The following ZNF777 variants were observed in gnomAD, a reference collection of about 807,000 sequenced individuals.
ZNF777 encodes zinc finger protein 777.
Under a neutral mutation model 72.1 loss-of-function variants are expected in ZNF777, and 7 were observed. The ratio of observed to expected loss-of-function variants is 0.10; its 90% CI spans 0.06 to 0.18. ZNF777 has a LOEUF of 0.18. Ranked by LOEUF, ZNF777 falls within the 10% of genes least tolerant of loss-of-function variation. The probability of loss-of-function intolerance (pLI) is 1.00; values close to 1 mark genes in which losing one functional copy is unlikely to be tolerated. For synonymous variants in ZNF777, 545 were observed against 483.5 expected (o/e 1.13, Z -1.67); for missense variants, 828 against 1,128.6 (o/e 0.73, Z 3.82).
chr7:149,437,808 T>TC (rs201709519), intron 4 of ZNF777, among the ~76,000 whole-genome samples: 5,260 of 149,006 alleles, frequency 0.035, 246 homozygotes, highest in African/African-American at 0.094. Flanking sequence ...TCTTTTTCTT[T>TC]TTTTTTTTTT....
At chr7:149,451,203 G>A in intron 3 of ZNF777, 91 bp from the exon 4 acceptor site, 2 of 1,148,266 alleles carry the variant, frequency 1.7e-6, no homozygotes, top group South Asian at 1.3e-5. Context: ...GATTCCAGGA[G>A]CAGCTCCTCG....
intron 4 of ZNF777, among the ~76,000 whole-genome samples, chr7:149,448,269 C>G (rs1799639876): frequency 6.6e-6 from 1 of 151,598 alleles, no homozygotes; most frequent in Admixed American, 6.6e-5. Flanking sequence ...AGTTCATGAG[C>G]AGCCTGACCA....
At chr7:149,454,303 T>C in intron 2 of ZNF777, 66 bp from the exon 3 acceptor site, 1 of 1,601,232 alleles carries the variant, frequency 6.2e-7, no homozygotes, top group Non-Finnish European at 8.5e-7. Flanking sequence ...GGCTGGCCAA[T>C]CCCAAGGCCC....
At position 149,432,479 on chromosome 7, in the gene ZNF777, A is replaced by C; in HGVS notation, c.1793T>G (p.Val598Gly). Residue 598 changes from valine to glycine, a missense_variant, in exon 6 of 6, where the codon GTG (valine) becomes GGG (glycine). Coordinates refer to ENST00000247930, the MANE Select transcript of ZNF777 (RefSeq NM_015694.3). ...TTCGGGTGAGACGCAGCCTCCGCGC[A>C]CGCGGTGGATGCGCTGGTGCAGCGT... ...QLTLHQRIHRVRGGCVSPERG... is the reference protein window; with the variant it reads ...QLTLHQRIHRGRGGCVSPERG... 1 of 1,613,704 alleles carries C rather than the reference A, an allele frequency of 6.2e-7. No individual in the cohort carries two copies. Among genetic ancestry groups the C allele is most frequent in the African/African-American group, 1.3e-5 (1 of 75,026 alleles).
chr7:149,432,468 A>G lies in ZNF777; in HGVS notation c.1804T>C (p.Cys602Arg). Residue 602 changes from cysteine to arginine, a missense_variant, in exon 6 of 6, where the codon TGC becomes CGC. Around this residue, in one of 12 missense-constraint regions of ZNF777, gnomAD observed 100 missense variants for 106.2 expected, o/e 0.94. Coordinates refer to ENST00000247930, the MANE Select transcript of ZNF777 (RefSeq NM_015694.3). Reference protein sequence around the residue: ...HQRIHRVRGGCVSPERGPTFN... With the variant: ...HQRIHRVRGGRVSPERGPTFN... Reference sequence around the variant, plus strand: ...GTGGGCCCGCGTTCGGGTGAGACGCAGCCTCCGCGCACGCGGTGGATGCGC... The same window carrying G: ...GTGGGCCCGCGTTCGGGTGAGACGCGGCCTCCGCGCACGCGGTGGATGCGC... 1.9e-6 allele frequency: 3 copies of G among 1,613,686 alleles called. No individual in the cohort carries two copies. The highest frequency in any genetic ancestry group is 2.5e-6 in the Non-Finnish European group (3 of 1,179,878).
In ZNF777 at chr7:149,451,129, GA is replaced by G. The variant is rs771564855; in HGVS notation, c.974-18del. The G allele has an allele frequency of 4.4e-6, 7 of 1,605,720 alleles. No individual in the cohort carries two copies. Among genetic ancestry groups the G allele is most frequent in the Non-Finnish European group, 4.3e-6 (5 of 1,174,246 alleles). On this transcript the variant is annotated intron_variant, in intron 3 of 5. Coordinates refer to ENST00000247930, the MANE Select transcript of ZNF777 (RefSeq NM_015694.3). The stretch of plus-strand genomic sequence containing the variant: ...TTGCATAGTCTAGGCAGAAGAAAGG[GA>G]AAAAAATATGCTCTGGGATGAGGTT...
chr7:149,459,650 A>G, intron 1 of ZNF777: 1 of 985,118 alleles, frequency 1.0e-6, no homozygotes, highest in Non-Finnish European at 1.2e-6. Context: ...CGTGCCACGG[A>G]TGCCTTGCTA....
At chr7:149,456,665 G>A (rs918002031) in intron 1 of ZNF777, among the ~76,000 whole-genome samples, 1 of 152,200 alleles carries the variant, frequency 6.6e-6, no homozygotes, top group Non-Finnish European at 1.5e-5. Flanking sequence ...ACTTCTACCA[G>A]CATTAGGCCT....
chr7:149,452,474 C>CA (rs888571501), intron 3 of ZNF777, among the ~76,000 whole-genome samples: 7 of 147,738 alleles, frequency 4.7e-5, no homozygotes, highest in Admixed American at 1.3e-4. Context: ...ACTAAAAATA[C>CA]AAAAAAAAAT....
intron 4 of ZNF777, among the ~76,000 whole-genome samples, chr7:149,449,572 T>C (rs571969168): frequency 6.6e-6 from 1 of 152,316 alleles, no homozygotes; most frequent in South Asian, 2.1e-4. Context: ...TAACCACAAA[T>C]CATCTCTCCT....
chr7:149,453,899 G>C (rs1027769373), intron 3 of ZNF777, among the ~76,000 whole-genome samples: 2 of 152,248 alleles, frequency 1.3e-5, no homozygotes, highest in African/African-American at 4.8e-5. Context: ...TTCTCTGAGA[G>C]TGGGGTCTCA....
chr7:149,432,951 G>T lies in ZNF777; in HGVS notation c.1340-19C>A. 1 of 1,454,876 alleles carries T rather than the reference G, an allele frequency of 6.9e-7. No individual in the cohort carries two copies. The highest frequency in any genetic ancestry group is 9.1e-7 in the Non-Finnish European group (1 of 1,100,450). The allele number at this position is 1,454,876 out of a possible 1,614,324, so 90.1% of individuals were successfully genotyped here. On this transcript the variant is annotated intron_variant, in intron 5 of 5. Coordinates refer to ENST00000247930, the MANE Select transcript of ZNF777 (RefSeq NM_015694.3). Reference sequence around the variant, plus strand: ...ATCCCCTCTGCTCCAGGGACAGAGAGAGAAAGTCGTTAGCTGCTGCCTGGC... The same window carrying T: ...ATCCCCTCTGCTCCAGGGACAGAGATAGAAAGTCGTTAGCTGCTGCCTGGC...
At chr7:149,459,168 A>G (rs1799892148) in intron 1 of ZNF777, among the ~76,000 whole-genome samples, 1 of 152,088 alleles carries the variant, frequency 6.6e-6, no homozygotes, top group Non-Finnish European at 1.5e-5. Flanking sequence ...GATGCTTTTT[A>G]GAAAGCTATA....
In ZNF777 at chr7:149,436,956, T is replaced by C. The variant is rs975083324; in HGVS notation, c.1088-130A>G. 13 of 1,201,246 alleles carry C rather than the reference T, an allele frequency of 1.1e-5. No individual in the cohort carries two copies. The African/African-American group carries it at 2.0e-4, about 18-fold the overall frequency. 74.4% of individuals were successfully genotyped at this position (1,201,246 alleles called of 1,614,324 possible). On this transcript the variant is annotated intron_variant, in intron 4 of 5. Coordinates refer to ENST00000247930, the MANE Select transcript of ZNF777 (RefSeq NM_015694.3). This position sits in a 1 kb window ranked among gnomAD's most constrained non-coding sequence, Gnocchi z 5.0. ...TCTTAGAGACCCTGAAGAAATGTAA[T>C]ATTGAGTTGGAAATGAGTAGACACA...
intron 4 of ZNF777, among the ~76,000 whole-genome samples, chr7:149,448,499 ATAT>A (rs1799646851): frequency 7.5e-6 from 1 of 133,714 alleles, no homozygotes; most frequent in African/African-American, 3.0e-5. Flanking sequence ...ATATATATAT[ATAT>A]ATATATATAA....
chr7:149,454,364 C>A, intron 2 of ZNF777, 127 bp from the exon 3 acceptor site: 2 of 1,181,150 alleles, frequency 1.7e-6, no homozygotes, highest in Non-Finnish European at 1.2e-6. Flanking sequence ...AGTCTGGCCA[C>A]TGTCCTGGCC....
Position 149,460,782 on chromosome 7 carries a change from C to A in ZNF777, c.-16+33G>T, listed in dbSNP as rs1033428668. The A allele has an allele frequency of 6.6e-6, 1 of 152,242 alleles. No homozygotes were observed. The highest frequency in any genetic ancestry group is 6.5e-5 in the Admixed American group (1 of 15,276). The allele number at this position is 152,242 out of a possible 1,614,324, so 9.4% of individuals were successfully genotyped here. On this transcript the variant is annotated intron_variant, in intron 1 of 5. Transcript: ENST00000247930. This position sits in a 1 kb window ranked among gnomAD's most constrained non-coding sequence, Gnocchi z 6.1. ...TGGAGCCCGGGCCGAACCGCCGGGGCCTCCCACCCTCCAGGACCCTCCGGC... is the reference window on the plus strand; with the variant it reads ...TGGAGCCCGGGCCGAACCGCCGGGGACTCCCACCCTCCAGGACCCTCCGGC...
chr7:149,452,423 A>C (rs534060614), intron 3 of ZNF777, among the ~76,000 whole-genome samples: 1 of 151,654 alleles, frequency 6.6e-6, no homozygotes, highest in Non-Finnish European at 1.5e-5. Context: ...AAGGTCAGGA[A>C]ATCAAGACCA....
chr7:149,459,521 G>C (rs1226801022), intron 1 of ZNF777: 2 of 553,278 alleles, frequency 3.6e-6, no homozygotes, highest in South Asian at 7.7e-5. Flanking sequence ...CGCCCCCGAC[G>C]GGCCGCGTCC....
Sources: gnomAD v4.1 joint callset for allele counts (sites outside exome capture counted in the v4.1 genomes callset) on GRCh38, gnomAD v4.1.1 for gene constraint, gnomAD v4.1.1 regional missense constraint, Gnocchi (gnomAD v3.1) non-coding constraint, MANE v1.5 for transcripts, NCBI Gene and HGNC (gene_info 2026-07-23, HGNC 2026-07-21) for gene names.